Variants in MPV17 observed in about 807,000 individuals in gnomAD.
The protein encoded by MPV17 is mitochondrial inner membrane protein MPV17.
A neutral mutation model predicts 28.6 loss-of-function variants in MPV17; 31 were observed. That is an observed-to-expected ratio of 1.08 (90% CI 0.81 to 1.46). MPV17 has a LOEUF of 1.46. Among genes scored for constraint, MPV17 ranks in the 40% most tolerant of loss-of-function variants. The probability of loss-of-function intolerance (pLI) is 0.00; values close to 1 mark genes in which losing one functional copy is unlikely to be tolerated. For missense variants in MPV17, 198 were observed against 216.2 expected (o/e 0.92, Z 0.53); for synonymous variants, 87 against 85.3 (o/e 1.02, Z -0.11).
At chr2:27,310,149 G>T (rs1679376309) in intron 7 of MPV17, among the ~76,000 whole-genome samples, 168 bp from the exon 8 acceptor site, 1 of 152,148 alleles carries the variant, frequency 6.6e-6, no homozygotes, top group Admixed American at 6.6e-5. Context: ...CTGTTGCCCA[G>T]GCTGGAGTGC....
chr2:27,322,369 AG>A, intron 2 of MPV17, 78 bp downstream of exon 2: 1 of 1,142,842 alleles, frequency 8.8e-7, no homozygotes, highest in East Asian at 2.3e-5. Flanking sequence ...ACAGGAAGTG[AG>A]GGTGGTGCAG....
At chr2:27,311,258 A>G (rs983295585) in intron 7 of MPV17, 9 of 285,998 alleles carry the variant, frequency 3.1e-5, no homozygotes, top group Non-Finnish European at 5.3e-5. Context: ...ATGAGGTCTC[A>G]CTATATTGCC....
chr2:27,312,628 C>T (rs1679494172), intron 4 of MPV17, 39 bp from the exon 5 acceptor site: 1 of 1,612,800 alleles, frequency 6.2e-7, no homozygotes, highest in African/African-American at 1.3e-5. Flanking sequence ...GTGCTGAAAT[C>T]CCCACCTACC....
chr2:27,310,706 T>C (rs957017463), intron 7 of MPV17, among the ~76,000 whole-genome samples: 2 of 152,324 alleles, frequency 1.3e-5, no homozygotes, highest in South Asian at 2.1e-4. Flanking sequence ...AGGACCCTAA[T>C]GTTTAGGATT....
chr2:27,313,449 G>A lies in MPV17; in HGVS notation c.71-340C>T. The A allele has an allele frequency of 5.3e-6, 3 of 568,272 alleles. No individual in the cohort carries two copies. In the East Asian group the frequency reaches 8.8e-5, roughly 17 times the overall value. 35.2% of individuals were successfully genotyped at this position (568,272 alleles called of 1,614,324 possible). A position where few individuals can be genotyped will look rare whatever the true frequency, so the allele number is the denominator to read the frequency against. On this transcript the variant is annotated intron_variant, in intron 2 of 7. Coordinates refer to ENST00000380044, the MANE Select transcript of MPV17 (RefSeq NM_002437.5). ...GAACCACAGACTGTCAGAATCAAAA[G>A]GGGCTTTAAGATAATTTAATGCAAA...
chr2:27,316,939 G>A, intron 2 of MPV17: 1 of 794,910 alleles, frequency 1.3e-6, no homozygotes, highest in Non-Finnish European at 2.0e-6. Flanking sequence ...AGCGGCCAGG[G>A]GGAAGGGAGC....
chr2:27,315,486 A>C (rs968233005), intron 2 of MPV17, among the ~76,000 whole-genome samples: 2 of 152,250 alleles, frequency 1.3e-5, no homozygotes, highest in African/African-American at 4.8e-5. Context: ...AGGTGTTTAC[A>C]AAAGACTCTT....
rs538905972 is a variant in MPV17 at position 27,310,031 on chromosome 2, C to A, written c.462-50G>T. On this transcript the variant is annotated intron_variant, in intron 7 of 7. Transcript: ENST00000380044. ...AAGAGGAGGAAGGCTAAGCAGTGAG[C>A]AAGGGCTGGAGATGGGAGCATGAAA... The A allele has an allele frequency of 7.7e-6, 11 of 1,429,340 alleles. No individual in the cohort carries two copies. In the South Asian group the frequency reaches 1.3e-4, roughly 16 times the overall value. 88.5% of individuals were successfully genotyped at this position (1,429,340 alleles called of 1,614,324 possible).
Position 27,309,565 on chromosome 2 carries a change from G to C in MPV17, c.*347C>G. On this transcript the variant is annotated 3_prime_UTR_variant, in exon 8 of 8. Coordinates refer to ENST00000380044, the MANE Select transcript of MPV17 (RefSeq NM_002437.5). ...GGTTCCGGGAGTCTCTAAAGAGCTG[G>C]AGCTACAAGAAGCCTAGGCAGGGTT... 1 of 520,678 alleles carries C rather than the reference G, an allele frequency of 1.9e-6. No homozygotes were observed. Among genetic ancestry groups the C allele is most frequent in the South Asian group, 2.4e-5 (1 of 41,382 alleles). The allele number at this position is 520,678 out of a possible 1,614,324, so 32.3% of individuals were successfully genotyped here. A position where few individuals can be genotyped will look rare whatever the true frequency, so the allele number is the denominator to read the frequency against.
Position 27,317,020 on chromosome 2 carries a change from C to T in MPV17, c.71-3911G>A, listed in dbSNP as rs1679679718. On this transcript the variant is annotated intron_variant, in intron 2 of 7. Coordinates refer to ENST00000380044, the MANE Select transcript of MPV17 (RefSeq NM_002437.5). The surrounding 1 kb of genome is among the most constrained non-coding windows in gnomAD (Gnocchi z 4.0). Reference sequence around the variant, plus strand: ...GGAAAAGCCCCAACTTCCACACCCTCTTCCCGGGCATGGGCAGGGTAAATT... The same window carrying T: ...GGAAAAGCCCCAACTTCCACACCCTTTTCCCGGGCATGGGCAGGGTAAATT... 1 of 1,465,794 alleles carries T rather than the reference C, an allele frequency of 6.8e-7. No individual in the cohort carries two copies. Among genetic ancestry groups the T allele is most frequent in the South Asian group, 1.3e-5 (1 of 74,268 alleles). The allele number at this position is 1,465,794 out of a possible 1,614,324, so 90.8% of individuals were successfully genotyped here. A position where few individuals can be genotyped will look rare whatever the true frequency, so the allele number is the denominator to read the frequency against.
chr2:27,313,102 C>G lies in MPV17; in HGVS notation c.78G>C (p.Leu26=). The G allele has an allele frequency of 6.2e-7, 1 of 1,614,216 alleles. No homozygotes were observed. Among genetic ancestry groups the G allele is most frequent in the Non-Finnish European group, 8.5e-7 (1 of 1,180,038 alleles). ...WKVQVLTAGS[L]MGLGDIISQQ... ...GTGAGATAATGTCACCCAGGCCCAT[C>G]AGGGACCCTATGCAGGGTACACAGG... Residue 26 remains leucine, a synonymous_variant, in exon 3 of 8, where the codon CTG becomes CTC. Transcript: ENST00000380044.
At chr2:27,321,929 G>A (rs1213655134) in intron 2 of MPV17, 1 of 156,710 alleles carries the variant, frequency 6.4e-6, no homozygotes, top group Non-Finnish European at 1.4e-5. Flanking sequence ...TGACACAGGA[G>A]TGTTCAGTTT....
chr2:27,311,794 C>T (rs1349984596), intron 7 of MPV17, 105 bp downstream of exon 7: 10 of 1,568,480 alleles, frequency 6.4e-6, no homozygotes, highest in African/African-American at 1.3e-5. Flanking sequence ...CTCAGTGTTC[C>T]GTTTGGGGGT....
At chr2:27,311,675 T>G (rs749177971) in intron 7 of MPV17, 1 of 1,550,812 alleles carries the variant, frequency 6.4e-7, no homozygotes, top group Non-Finnish European at 8.7e-7. Flanking sequence ...AGCAGGATCC[T>G]CCCTAGGGAG....
intron 7 of MPV17, chr2:27,311,110 T>C (rs937705051): frequency 8.0e-6 from 1 of 124,300 alleles, no homozygotes; most frequent in Admixed American, 1.1e-4. Flanking sequence ...CAGGCTGAAA[T>C]GCAGTGGCAC....
At chr2:27,320,513 T>C (rs1679819267) in intron 2 of MPV17, among the ~76,000 whole-genome samples, 1 of 152,054 alleles carries the variant, frequency 6.6e-6, no homozygotes, top group South Asian at 2.1e-4. Flanking sequence ...ATTTTGTATT[T>C]TTAGTAGAGA....
At position 27,309,680 on chromosome 2, in the gene MPV17, G is replaced by T. The variant is rs991205895; in HGVS notation, c.*232C>A. 11 of 620,570 alleles carry T rather than the reference G, an allele frequency of 1.8e-5. No individual in the cohort carries two copies. The highest frequency in any genetic ancestry group is 5.7e-5 in the South Asian group (3 of 52,446). The allele number at this position is 620,570 out of a possible 1,614,324, so 38.4% of individuals were successfully genotyped here. A position where few individuals can be genotyped will look rare whatever the true frequency, so the allele number is the denominator to read the frequency against. ...TTGATAAGGTCATGAAGGTTCAACA[G>T]ATATTTATGGAGTGCCTAGTATGTG... On this transcript the variant is annotated 3_prime_UTR_variant, in exon 8 of 8. Coordinates refer to ENST00000380044, the MANE Select transcript of MPV17 (RefSeq NM_002437.5).
At chr2:27,312,637 C>T (rs759551123) in intron 4 of MPV17, 43 bp downstream of exon 4, 1 of 1,612,402 alleles carries the variant, frequency 6.2e-7, no homozygotes, top group Non-Finnish European at 8.5e-7. Context: ...TCCCCACCTA[C>T]CCCCAACACA....
At chr2:27,320,429 T>A (rs1426817908) in intron 2 of MPV17, among the ~76,000 whole-genome samples, 2 of 151,322 alleles carry the variant, frequency 1.3e-5, no homozygotes, top group Non-Finnish European at 2.9e-5. Flanking sequence ...CTCTGCCTCA[T>A]GGGTTCAAGT....
Sources: gnomAD v4.1 joint callset for allele counts (sites outside exome capture counted in the v4.1 genomes callset) on GRCh38, gnomAD v4.1.1 for gene constraint, Gnocchi (gnomAD v3.1) non-coding constraint, MANE v1.5 for transcripts, NCBI Gene and HGNC (gene_info 2026-07-23, HGNC 2026-07-21) for gene names.